Variants in ANKS1B observed in about 807,000 individuals in gnomAD.
The protein encoded by ANKS1B is ankyrin repeat and sterile alpha motif domain-containing protein 1B.
In ANKS1B, 36 loss-of-function variants were observed where a neutral mutation model predicts 148.3. The observed-to-expected ratio is 0.24, with a 90% confidence interval of 0.19 to 0.32. ANKS1B has a LOEUF of 0.32. Among genes scored for constraint, ANKS1B ranks in the 10% least tolerant of loss-of-function variants. ANKS1B has a pLI of 1.00. For missense variants in ANKS1B, 1,157 were observed against 1,542.6 expected, an observed-to-expected ratio of 0.75 and a Z score of 4.19; for synonymous variants, 542 against 560.8, an observed-to-expected ratio of 0.97 and a Z score of 0.47.
chr12:98,913,297 G>T (rs145421849), intron 17 of ANKS1B, among the ~76,000 whole-genome samples: 20 of 152,138 alleles, frequency 1.3e-4, no homozygotes, highest in Admixed American at 2.6e-4. Flanking sequence ...GCTAAATCCA[G>T]TTCCTAGCTT....
intron 15 of ANKS1B, among the ~76,000 whole-genome samples, chr12:99,090,014 T>C (rs1363027646): frequency 3.9e-5 from 6 of 152,164 alleles, no homozygotes; most frequent in Non-Finnish European, 8.8e-5. Flanking sequence ...TCTTAAATCA[T>C]GGAATGGAAA....
chr12:98,781,859 C>A (rs963226489), intron 23 of ANKS1B, among the ~76,000 whole-genome samples: 3 of 152,200 alleles, frequency 2.0e-5, no homozygotes, highest in African/African-American at 7.2e-5. Flanking sequence ...CAGCAAAATG[C>A]TGGACAGCCC....
chr12:98,903,502 T>G (rs529603944), intron 17 of ANKS1B, among the ~76,000 whole-genome samples: 1 of 152,250 alleles, frequency 6.6e-6, no homozygotes, highest in South Asian at 2.1e-4. Flanking sequence ...GTGCCAGGTG[T>G]AATGCCTGGA....
At chr12:99,141,193 T>C (rs1486413879) in intron 15 of ANKS1B, among the ~76,000 whole-genome samples, 1 of 152,118 alleles carries the variant, frequency 6.6e-6, no homozygotes, top group Non-Finnish European at 1.5e-5. Flanking sequence ...TTTAAAAAAT[T>C]CTTCCCTTTG....
chr12:98,987,096 T>C (rs1005687580), intron 17 of ANKS1B, among the ~76,000 whole-genome samples: 1 of 152,130 alleles, frequency 6.6e-6, no homozygotes, highest in African/African-American at 2.4e-5. Flanking sequence ...AAAAGTATAG[T>C]AGAATGCGAT....
At chr12:99,145,012 T>C (rs942905908) in intron 15 of ANKS1B, among the ~76,000 whole-genome samples, 2 of 152,128 alleles carry the variant, frequency 1.3e-5, no homozygotes, top group Non-Finnish European at 2.9e-5. Flanking sequence ...AGACCTACTA[T>C]GTGCTAGTAA....
At chr12:99,241,297 G>T (rs894183271) in intron 14 of ANKS1B, among the ~76,000 whole-genome samples, 1 of 152,140 alleles carries the variant, frequency 6.6e-6, no homozygotes, top group Admixed American at 6.5e-5. Flanking sequence ...AGAAAATCTA[G>T]AAGAAATGGG....
intron 14 of ANKS1B, among the ~76,000 whole-genome samples, chr12:99,164,611 T>A (rs1043786231): frequency 6.6e-6 from 1 of 152,062 alleles, no homozygotes; most frequent in African/African-American, 2.4e-5. Flanking sequence ...TATTTCCCTC[T>A]CAAAAACGCT....
intron 10 of ANKS1B, among the ~76,000 whole-genome samples, chr12:99,474,312 A>C (rs2096283437): frequency 6.6e-6 from 1 of 152,122 alleles, no homozygotes; most frequent in South Asian, 2.1e-4. Context: ...AAACTATCTT[A>C]TCAAACCATT....
At chr12:99,565,396 C>A (rs1407857533) in intron 9 of ANKS1B, among the ~76,000 whole-genome samples, 2 of 152,146 alleles carry the variant, frequency 1.3e-5, no homozygotes, top group African/African-American at 2.4e-5. Context: ...TTCAAACCCC[C>A]CAACCTATAA....
At chr12:99,770,679 A>T (rs1350524812) in intron 8 of ANKS1B, among the ~76,000 whole-genome samples, 5 of 144,758 alleles carry the variant, frequency 3.5e-5, no homozygotes, top group Non-Finnish European at 6.0e-5. Context: ...CTCATTTCTT[A>T]AAAAAAAAAC....
At chr12:99,926,539 G>A (rs949875187) in intron 1 of ANKS1B, among the ~76,000 whole-genome samples, 1 of 152,158 alleles carries the variant, frequency 6.6e-6, no homozygotes, top group African/African-American at 2.4e-5. Context: ...CTCTTCCTGG[G>A]TCTCAGGCCT....
At chr12:99,762,449 A>C (rs1393963515) in intron 8 of ANKS1B, among the ~76,000 whole-genome samples, 2 of 151,668 alleles carry the variant, frequency 1.3e-5, no homozygotes, top group Non-Finnish European at 2.9e-5. Context: ...CAAGCTATTC[A>C]ATAAATAGTG....
At chr12:99,585,070 A>T (rs1000561611) in intron 9 of ANKS1B, among the ~76,000 whole-genome samples, 3 of 152,154 alleles carry the variant, frequency 2.0e-5, no homozygotes, top group Non-Finnish European at 2.9e-5. Context: ...TCATTCCAGC[A>T]TTAACTCAAA....
chr12:99,363,648 T>C (rs1429718995), intron 12 of ANKS1B, among the ~76,000 whole-genome samples: 1 of 152,168 alleles, frequency 6.6e-6, no homozygotes, highest in African/African-American at 2.4e-5. Flanking sequence ...AATCCTATTA[T>C]TAAAGGGGAC....
At chr12:99,551,217 C>T (rs190007691) in intron 9 of ANKS1B, among the ~76,000 whole-genome samples, 1 of 152,258 alleles carries the variant, frequency 6.6e-6, no homozygotes, top group Admixed American at 6.5e-5. Context: ...CGTTTCTACT[C>T]CCACTTCTAT....
chr12:99,863,102 C>T (rs975986371), intron 1 of ANKS1B, among the ~76,000 whole-genome samples: 2 of 152,114 alleles, frequency 1.3e-5, no homozygotes, highest in African/African-American at 4.8e-5. Flanking sequence ...ACAGGCTGAC[C>T]TTAAGATGGT....
chr12:99,543,578 C>T (rs767748199), intron 9 of ANKS1B, among the ~76,000 whole-genome samples: 1 of 151,876 alleles, frequency 6.6e-6, no homozygotes, highest in Non-Finnish European at 1.5e-5. Flanking sequence ...AACCCAAATG[C>T]CTACCAATTG....
chr12:98,870,844 T>C (rs1453444835), intron 17 of ANKS1B, among the ~76,000 whole-genome samples: 1 of 152,226 alleles, frequency 6.6e-6, no homozygotes, highest in Non-Finnish European at 1.5e-5. Context: ...CTGATGGTGC[T>C]TACAAAATGC....
Sources: allele counts gnomAD v4.1 joint callset (sites outside exome capture counted in the v4.1 genomes callset), GRCh38; gene constraint gnomAD v4.1.1; transcripts MANE v1.5; gene names NCBI Gene and HGNC (gene_info 2026-07-23, HGNC 2026-07-21).